The following RASGEF1A variants were observed in gnomAD, a reference collection of about 807,000 sequenced individuals.
RASGEF1A encodes the protein RasGEF domain family member 1A, also known as ras-GEF domain-containing family member 1A.
RASGEF1A carries 18 observed loss-of-function variants against 56.4 expected under a neutral mutation model. The observed-to-expected ratio is 0.32, with a 90% CI of 0.22 to 0.47. The LOEUF (loss-of-function observed/expected upper bound fraction) is 0.47. Among genes scored for constraint, RASGEF1A ranks in the 20% least tolerant of loss-of-function variants. RASGEF1A has a pLI of 1.00. For synonymous variants in RASGEF1A, 245 were observed against 242.6 expected, an observed-to-expected ratio of 1.01 and a Z score of -0.09; for missense variants, 422 against 627.1, an observed-to-expected ratio of 0.67 and a Z score of 3.49.
chr10:43,196,385 C>T lies in RASGEF1A; in HGVS notation c.1421+91G>A, dbSNP rs1209015708. On this transcript the variant is annotated intron_variant, in intron 12 of 12. Coordinates refer to ENST00000395810, the MANE Select transcript of RASGEF1A (RefSeq NM_145313.4). This position sits in a 1 kb window ranked among gnomAD's most constrained non-coding sequence, Gnocchi z 4.6. ...ACCCTGGACCAGGGACGCGGCAGTG[C>T]CCAGGCTCCCTTTCCAGGAGGGTAA... 1.3e-6 allele frequency: 2 copies of T among 1,549,864 alleles called. No individual in the cohort carries two copies. The highest frequency in any genetic ancestry group is 8.9e-7 in the Non-Finnish European group (1 of 1,122,760).
At chr10:43,235,933 C>T (rs1041665445) in intron 1 of RASGEF1A, among the ~76,000 whole-genome samples, 2 of 152,114 alleles carry the variant, frequency 1.3e-5, no homozygotes, top group African/African-American at 4.8e-5. Flanking sequence ...ACAGGGACCC[C>T]TCCCATCACA....
At position 43,250,148 on chromosome 10, in the gene RASGEF1A, G is replaced by A. The variant is rs536397282; in HGVS notation, c.-7+16697C>T. On this transcript the variant is annotated intron_variant, in intron 1 of 12. Coordinates refer to ENST00000395810, the MANE Select transcript of RASGEF1A (RefSeq NM_145313.4). ...ACCTGAAGGACCGGTGCAGCTCCCTGCGAGGCACCTTCTCTGGCACTGTGT... is the reference window on the plus strand; with the variant it reads ...ACCTGAAGGACCGGTGCAGCTCCCTACGAGGCACCTTCTCTGGCACTGTGT... Among the ~76,000 whole-genome samples the A allele has an allele frequency of 2.0e-5, 3 of 152,352 alleles. No homozygotes were observed. The East Asian group carries it at 5.8e-4, about 29-fold the overall frequency.
chr10:43,241,527 A>G (rs541474811), intron 1 of RASGEF1A, among the ~76,000 whole-genome samples: 1 of 152,336 alleles, frequency 6.6e-6, no homozygotes, highest in Non-Finnish European at 1.5e-5. Flanking sequence ...TTATAACCCT[A>G]CAGGCAACAG....
intron 1 of RASGEF1A, among the ~76,000 whole-genome samples, chr10:43,221,691 G>A (rs1171288396): frequency 6.6e-6 from 1 of 152,254 alleles, no homozygotes; most frequent in Admixed American, 6.5e-5. Flanking sequence ...GTGGGGTGGG[G>A]GAAATCAGGC....
intron 1 of RASGEF1A, among the ~76,000 whole-genome samples, chr10:43,263,398 C>T (rs1377743190): frequency 6.6e-6 from 1 of 152,140 alleles, no homozygotes; most frequent in African/African-American, 2.4e-5. Flanking sequence ...TCAAAGTCAG[C>T]CCGCACAGGC....
intron 1 of RASGEF1A, among the ~76,000 whole-genome samples, chr10:43,232,582 G>T (rs142391477): frequency 4.5e-4 from 68 of 150,098 alleles, no homozygotes; most frequent in African/African-American, 1.5e-3. Context: ...CACCTTCTGG[G>T]TTTAAGCGAT....
At chr10:43,212,560 C>G (rs1348916443) in intron 1 of RASGEF1A, among the ~76,000 whole-genome samples, 2 of 152,256 alleles carry the variant, frequency 1.3e-5, no homozygotes, top group African/African-American at 4.8e-5. Context: ...CTTAGTGGCA[C>G]TGGCACCTGA....
intron 1 of RASGEF1A, among the ~76,000 whole-genome samples, chr10:43,234,299 C>G (rs1840405654): frequency 6.6e-6 from 1 of 152,180 alleles, no homozygotes; most frequent in African/African-American, 2.4e-5. Context: ...GTGGCCACGC[C>G]TGAGGGAAGA....
chr10:43,234,172 C>G (rs1840404441), intron 1 of RASGEF1A, among the ~76,000 whole-genome samples: 1 of 152,186 alleles, frequency 6.6e-6, no homozygotes, highest in Non-Finnish European at 1.5e-5. Context: ...AGGCATGTTT[C>G]TGTGTGTGTT....
At chr10:43,258,393 T>C (rs140834678) in intron 1 of RASGEF1A, among the ~76,000 whole-genome samples, 2 of 152,162 alleles carry the variant, frequency 1.3e-5, no homozygotes, top group African/African-American at 4.8e-5. Context: ...GAGGGTGAAG[T>C]CTAGCCTCGG....
At chr10:43,204,468 G>A (rs752530454) in intron 2 of RASGEF1A, among the ~76,000 whole-genome samples, 3 of 152,180 alleles carry the variant, frequency 2.0e-5, no homozygotes, top group African/African-American at 4.8e-5. Context: ...TGAGGGGTCA[G>A]AACCAGCACA....
intron 10 of RASGEF1A, 143 bp from the exon 11 acceptor site, chr10:43,197,242 A>AC: frequency 1.0e-6 from 1 of 976,372 alleles, no homozygotes; most frequent in Non-Finnish European, 1.5e-6. Flanking sequence ...CTGCACGCTG[A>AC]CCCCGTGGCC....
At chr10:43,260,718 G>A (rs1225977770) in intron 1 of RASGEF1A, among the ~76,000 whole-genome samples, 1 of 151,950 alleles carries the variant, frequency 6.6e-6, no homozygotes, top group Non-Finnish European at 1.5e-5. Flanking sequence ...GACTTCTCCT[G>A]TACAACTGGG....
chr10:43,213,984 G>A (rs1588935360), intron 1 of RASGEF1A, among the ~76,000 whole-genome samples: 2 of 152,308 alleles, frequency 1.3e-5, no homozygotes, highest in East Asian at 3.9e-4. Context: ...AGCACACAGA[G>A]AGAGGCCATC....
At chr10:43,233,920 G>A (rs1404781986) in intron 1 of RASGEF1A, among the ~76,000 whole-genome samples, 1 of 152,132 alleles carries the variant, frequency 6.6e-6, no homozygotes. Context: ...TCAATGGAAC[G>A]CTCCAGGCCG....
chr10:43,200,632 C>T (rs1405962422), intron 5 of RASGEF1A, 35 bp downstream of exon 5: 12 of 1,577,626 alleles, frequency 7.6e-6, no homozygotes, highest in Admixed American at 1.7e-5. Flanking sequence ...GTCCCACAGC[C>T]CCCACCCCCA....
In RASGEF1A at chr10:43,201,417, A is replaced by C. The variant is rs527912462; in HGVS notation, c.459+391T>G. 6.6e-4 allele frequency among the ~76,000 whole-genome samples: 101 copies of C among 152,322 alleles called. 2 individuals are homozygous for C. The South Asian group carries it at 0.02, about 30-fold the overall frequency. Reference sequence around the variant, plus strand: ...CTCTCTCCACCAAAGGCAAAGGTGAAGACATTTGAAAAATGGGAGACCGGT... The same window carrying C: ...CTCTCTCCACCAAAGGCAAAGGTGACGACATTTGAAAAATGGGAGACCGGT... On this transcript the variant is annotated intron_variant, in intron 4 of 12. Coordinates refer to ENST00000395810, the MANE Select transcript of RASGEF1A (RefSeq NM_145313.4).
rs574907128 is a variant in RASGEF1A at position 43,265,950 on chromosome 10, A to G, written c.-7+895T>C. 3.4e-4 allele frequency among the ~76,000 whole-genome samples: 52 copies of G among 152,338 alleles called. No individual in the cohort carries two copies. The East Asian group carries it at 8.7e-3, about 25-fold the overall frequency. On this transcript the variant is annotated intron_variant, in intron 1 of 12. Coordinates refer to ENST00000395810, the MANE Select transcript of RASGEF1A (RefSeq NM_145313.4). ...GGCCCTTCCTGCGCAGGACAGTGGGAGAAGAGTGGCAGTGGTGGGGAGGGT... is the reference window on the plus strand; with the variant it reads ...GGCCCTTCCTGCGCAGGACAGTGGGGGAAGAGTGGCAGTGGTGGGGAGGGT...
intron 1 of RASGEF1A, among the ~76,000 whole-genome samples, chr10:43,210,621 T>C (rs1840052853): frequency 6.6e-6 from 1 of 152,242 alleles, no homozygotes; most frequent in African/African-American, 2.4e-5. Flanking sequence ...CACTGGCATC[T>C]TCCACAGACT....
Sources: allele counts gnomAD v4.1 joint callset (sites outside exome capture counted in the v4.1 genomes callset), GRCh38; gene constraint gnomAD v4.1.1; non-coding constraint Gnocchi (gnomAD v3.1); transcripts MANE v1.5; gene names NCBI Gene and HGNC (gene_info 2026-07-23, HGNC 2026-07-21).